Variants in CDH13 observed in about 807,000 individuals in gnomAD.
The protein encoded by CDH13 is cadherin 13.
In CDH13, 24 loss-of-function variants were observed where a neutral mutation model predicts 63.8. The observed-to-expected ratio is 0.38, with a 90% CI of 0.27 to 0.53. The LOEUF (loss-of-function observed/expected upper bound fraction) is 0.53, where lower values mean the gene tolerates loss of function less well. Ranked by LOEUF, CDH13 falls within the 20% of genes least tolerant of loss-of-function variation. CDH13 has a pLI of 0.85. For missense variants in CDH13, 1,049 were observed against 903.1 expected, an observed-to-expected ratio of 1.16 and a Z score of -2.07; for synonymous variants, 503 against 355.3, an observed-to-expected ratio of 1.42 and a Z score of -4.67.
intron 7 of CDH13, among the ~76,000 whole-genome samples, chr16:83,577,368 G>A (rs1358477728): frequency 6.6e-6 from 1 of 152,216 alleles, no homozygotes; most frequent in African/African-American, 2.4e-5. Context: ...ACGCCTCACT[G>A]CCAATTAACA....
rs56382330 is a variant in CDH13, at chr16:83,271,422, T to TAAAAA, written c.636+53951_636+53955dup. 4.0e-3 allele frequency among the ~76,000 whole-genome samples: 104 copies of TAAAAA among 26,024 alleles called. 23 individuals carry two copies. The highest frequency in any genetic ancestry group is 0.01 in the African/African-American group (75 of 7,474). 17.1% of individuals were successfully genotyped at this position (26,024 alleles called of 152,430 possible). ...CTACCGCACATTGAGGCAGAGTTCA[T>TAAAAA]AAAAAAAAAAAAAAAAAAAAAAAAA... is the stretch of plus-strand genomic sequence containing the variant. On this transcript the variant is annotated intron_variant, in intron 5 of 13. Transcript: ENST00000567109.
intron 7 of CDH13, among the ~76,000 whole-genome samples, chr16:83,557,268 C>A (rs2075623723): frequency 6.6e-6 from 1 of 152,180 alleles, no homozygotes; most frequent in Non-Finnish European, 1.5e-5. Context: ...AAGCTCAGGA[C>A]TCCCACAGAT....
intron 8 of CDH13, among the ~76,000 whole-genome samples, chr16:83,647,514 G>A (rs1320347609): frequency 1.3e-5 from 2 of 152,130 alleles, no homozygotes; most frequent in African/African-American, 4.8e-5. Flanking sequence ...CAACATAAAT[G>A]TGTGTATGTG....
chr16:83,307,356 G>T (rs1333336810), intron 5 of CDH13, among the ~76,000 whole-genome samples: 2 of 152,142 alleles, frequency 1.3e-5, no homozygotes, highest in Admixed American at 6.5e-5. Context: ...GGAAGATAAA[G>T]GTCAACTTAA....
chr16:82,752,381 C>CT (rs1050553159), intron 1 of CDH13, among the ~76,000 whole-genome samples: 1 of 152,156 alleles, frequency 6.6e-6, no homozygotes, highest in Non-Finnish European at 1.5e-5. Flanking sequence ...TGTGCTGACT[C>CT]TGTCCCCTCC....
chr16:83,573,532 C>T (rs571949307), intron 7 of CDH13, among the ~76,000 whole-genome samples: 2 of 152,312 alleles, frequency 1.3e-5, no homozygotes, highest in South Asian at 2.1e-4. Context: ...TCAATGGCGG[C>T]ACCTTTGCCC....
At chr16:83,122,462 T>C (rs548952005) in intron 3 of CDH13, among the ~76,000 whole-genome samples, 1 of 152,366 alleles carries the variant, frequency 6.6e-6, no homozygotes, top group East Asian at 1.9e-4. Context: ...CCTGACAGTG[T>C]CACTCCAATA....
intron 5 of CDH13, among the ~76,000 whole-genome samples, chr16:83,245,135 T>G (rs541251054): frequency 1.6e-3 from 236 of 151,968 alleles, no homozygotes; most frequent in Middle Eastern, 6.8e-3. Flanking sequence ...AAAAAAAGTT[T>G]CATATTCAGA....
At chr16:83,705,558 C>A (rs910665412) in intron 10 of CDH13, among the ~76,000 whole-genome samples, 2 of 152,084 alleles carry the variant, frequency 1.3e-5, no homozygotes, top group African/African-American at 4.8e-5. Flanking sequence ...GGAGGCGGAG[C>A]TTGCAGTGAG....
intron 1 of CDH13, among the ~76,000 whole-genome samples, chr16:82,660,013 C>T (rs1443620473): frequency 6.6e-6 from 1 of 152,206 alleles, no homozygotes; most frequent in Admixed American, 6.5e-5. Flanking sequence ...CATATCTGCT[C>T]ACTGGAAAAT....
intron 2 of CDH13, among the ~76,000 whole-genome samples, chr16:82,923,978 G>A (rs930280082): frequency 1.3e-5 from 2 of 152,144 alleles, no homozygotes; most frequent in Admixed American, 1.3e-4. Context: ...TAGGATTCAA[G>A]GCACACATGT....
At chr16:83,192,512 A>G (rs933779363) in intron 4 of CDH13, among the ~76,000 whole-genome samples, 1 of 152,198 alleles carries the variant, frequency 6.6e-6, no homozygotes, top group African/African-American at 2.4e-5. Context: ...CTCCCTCCAC[A>G]TGCTCTGAGA....
chr16:83,062,986 A>G (rs576203477), intron 3 of CDH13, among the ~76,000 whole-genome samples: 1 of 135,016 alleles, frequency 7.4e-6, no homozygotes, highest in South Asian at 2.3e-4. Flanking sequence ...TTTTTGAGTC[A>G]GAGTATTGCT....
chr16:83,666,803 A>G (rs1913994640), intron 8 of CDH13, among the ~76,000 whole-genome samples: 1 of 152,128 alleles, frequency 6.6e-6, no homozygotes, highest in South Asian at 2.1e-4. Flanking sequence ...AGACTGGATC[A>G]GATACCCACC....
At chr16:82,868,226 AC>A (rs1252734082) in intron 2 of CDH13, among the ~76,000 whole-genome samples, 1 of 152,154 alleles carries the variant, frequency 6.6e-6, no homozygotes. Context: ...TATGAAGTTG[AC>A]GATACATCGG....
intron 5 of CDH13, among the ~76,000 whole-genome samples, chr16:83,272,691 G>C (rs1005122188): frequency 1.3e-5 from 2 of 152,068 alleles, no homozygotes; most frequent in Non-Finnish European, 2.9e-5. Context: ...GATTTCATAA[G>C]GTGGAAAAAC....
intron 6 of CDH13, among the ~76,000 whole-genome samples, chr16:83,422,544 G>A (rs1194885942): frequency 2.0e-5 from 3 of 152,254 alleles, no homozygotes; most frequent in South Asian, 2.1e-4. Context: ...TAATACTTAC[G>A]ATAAATGTCT....
intron 3 of CDH13, among the ~76,000 whole-genome samples, chr16:83,105,373 A>C (rs532214769): frequency 6.6e-6 from 1 of 152,222 alleles, no homozygotes; most frequent in African/African-American, 2.4e-5. Flanking sequence ...GAACCACCAC[A>C]TGTGAAGTCG....
chr16:83,321,914 T>C (rs2090236313), intron 5 of CDH13, among the ~76,000 whole-genome samples: 1 of 152,148 alleles, frequency 6.6e-6, no homozygotes, highest in Non-Finnish European at 1.5e-5. Context: ...TGTGTGACTA[T>C]CTTGGGGCCA....
Sources: gnomAD v4.1 joint callset for allele counts (sites outside exome capture counted in the v4.1 genomes callset) on GRCh38, gnomAD v4.1.1 for gene constraint, MANE v1.5 for transcripts, NCBI Gene and HGNC (gene_info 2026-07-23, HGNC 2026-07-21) for gene names.